The following UBE2E2 variants were observed in gnomAD, a reference collection of about 807,000 sequenced individuals.
UBE2E2 encodes the protein ubiquitin conjugating enzyme E2 E2.
A neutral mutation model predicts 24.7 loss-of-function variants in UBE2E2; 6 were observed. That is an observed-to-expected ratio of 0.24 (90% CI 0.13 to 0.48). The LOEUF is 0.48. UBE2E2 is among the 20% of genes least tolerant of loss of function. The pLI is 0.99. For synonymous variants in UBE2E2, 104 were observed against 83.6 expected, an observed-to-expected ratio of 1.24 and a Z score of -1.33; for missense variants, 169 against 245.0, an observed-to-expected ratio of 0.69 and a Z score of 2.07.
intron 3 of UBE2E2, among the ~76,000 whole-genome samples, chr3:23,497,663 G>T (rs1699632154): frequency 6.6e-6 from 1 of 152,130 alleles, no homozygotes; most frequent in Non-Finnish European, 1.5e-5. Flanking sequence ...TAATATCTGT[G>T]TATATTTTGT....
chr3:23,516,935 T>C (rs1482135680), intron 4 of UBE2E2, among the ~76,000 whole-genome samples: 2 of 152,190 alleles, frequency 1.3e-5, no homozygotes, highest in Non-Finnish European at 2.9e-5. Flanking sequence ...TATGATGATA[T>C]GTTAGTTTTT....
At chr3:23,263,299 G>A (rs1697952956) in intron 3 of UBE2E2, among the ~76,000 whole-genome samples, 1 of 152,190 alleles carries the variant, frequency 6.6e-6, no homozygotes, top group South Asian at 2.1e-4. Flanking sequence ...GTTTATATGT[G>A]AGAGCCATTT....
chr3:23,479,195 G>T (rs1400990519), intron 3 of UBE2E2, among the ~76,000 whole-genome samples: 1 of 152,204 alleles, frequency 6.6e-6, no homozygotes, highest in Admixed American at 6.5e-5. Context: ...TCCCACATCT[G>T]CCAAGGGTGA....
At position 23,264,051 on chromosome 3, in the gene UBE2E2, A is replaced by G. The variant is rs148856595; in HGVS notation, c.227+46739A>G. Among the ~76,000 whole-genome samples, 102 of 152,272 alleles carry G rather than the reference A, an allele frequency of 6.7e-4. 2 individuals carry two copies. The East Asian group carries it at 0.011, about 17-fold the overall frequency. On this transcript the variant is annotated intron_variant, in intron 3 of 5. Coordinates refer to ENST00000396703, the MANE Select transcript of UBE2E2 (RefSeq NM_152653.4). Reference sequence around the variant, plus strand: ...TGAGTCGGGTACATGATCTTACATAATTCTTACATTAATCGTATGATGTAG... The same window carrying G: ...TGAGTCGGGTACATGATCTTACATAGTTCTTACATTAATCGTATGATGTAG...
At chr3:23,390,007 C>G (rs1696896142) in intron 3 of UBE2E2, 1 of 152,218 alleles carries the variant, frequency 6.6e-6, no homozygotes, top group African/African-American at 2.4e-5. Flanking sequence ...TTGATCTCAT[C>G]TCAGGCAAGA....
At chr3:23,405,633 G>A (rs1430089717) in intron 3 of UBE2E2, among the ~76,000 whole-genome samples, 1 of 152,154 alleles carries the variant, frequency 6.6e-6, no homozygotes, top group Non-Finnish European at 1.5e-5. Flanking sequence ...CCAGGCTTTT[G>A]ACTGGGTGAT....
At chr3:23,328,161 AAAG>A (rs1277023202) in intron 3 of UBE2E2, among the ~76,000 whole-genome samples, 1 of 152,222 alleles carries the variant, frequency 6.6e-6, no homozygotes, top group African/African-American at 2.4e-5. Flanking sequence ...ATAAAAAAGA[AAAG>A]AAATATGAGG....
At chr3:23,330,816 C>A (rs1444728476) in intron 3 of UBE2E2, among the ~76,000 whole-genome samples, 2 of 152,008 alleles carry the variant, frequency 1.3e-5, no homozygotes, top group Non-Finnish European at 2.9e-5. Context: ...TTAGTTTTGT[C>A]CAAAGAGCAT....
intron 3 of UBE2E2, among the ~76,000 whole-genome samples, chr3:23,354,847 C>A (rs938837666): frequency 5.9e-5 from 9 of 152,124 alleles, no homozygotes; most frequent in African/African-American, 1.4e-4. Context: ...TAGAACTAGA[C>A]ATACCATTTG....
chr3:23,472,653 C>CT (rs572862770), intron 3 of UBE2E2, among the ~76,000 whole-genome samples: 5,873 of 143,456 alleles, frequency 0.041, 169 homozygotes, highest in Non-Finnish European at 0.053. Context: ...ATCTGTAACA[C>CT]TTTTTTTTTT....
At chr3:23,436,796 C>G (rs745354206) in intron 3 of UBE2E2, among the ~76,000 whole-genome samples, 1 of 152,230 alleles carries the variant, frequency 6.6e-6, no homozygotes, top group Non-Finnish European at 1.5e-5. Context: ...GCCTCTCTGT[C>G]TCTCCATTTG....
chr3:23,492,137 C>T (rs1247314340), intron 3 of UBE2E2, among the ~76,000 whole-genome samples: 1 of 152,040 alleles, frequency 6.6e-6, no homozygotes, highest in Admixed American at 6.6e-5. Flanking sequence ...GGAGTAGAAC[C>T]CTAAATTAGA....
intron 3 of UBE2E2, among the ~76,000 whole-genome samples, chr3:23,337,049 A>G (rs1408982383): frequency 6.6e-6 from 1 of 151,614 alleles, no homozygotes; most frequent in African/African-American, 2.4e-5. Context: ...TTGAGGTGAG[A>G]GGATCACTTG....
chr3:23,478,157 C>T (rs1699178685), intron 3 of UBE2E2, among the ~76,000 whole-genome samples: 1 of 152,164 alleles, frequency 6.6e-6, no homozygotes, highest in Admixed American at 6.5e-5. Context: ...TTTATGAATT[C>T]ATAAATCCAA....
intron 3 of UBE2E2, among the ~76,000 whole-genome samples, chr3:23,220,504 G>T (rs78914363): frequency 4.6e-5 from 7 of 152,158 alleles, no homozygotes; most frequent in African/African-American, 1.7e-4. Context: ...CTTCATTTGA[G>T]TGAAATTTGG....
At chr3:23,408,330 T>C (rs1229605610) in intron 3 of UBE2E2, among the ~76,000 whole-genome samples, 1 of 152,216 alleles carries the variant, frequency 6.6e-6, no homozygotes, top group East Asian at 1.9e-4. Context: ...ATTTTAGTAT[T>C]GACTTGGGTT....
At chr3:23,531,255 G>A (rs1220282668) in intron 4 of UBE2E2, among the ~76,000 whole-genome samples, 1 of 152,150 alleles carries the variant, frequency 6.6e-6, no homozygotes, top group Non-Finnish European at 1.5e-5. Flanking sequence ...ATCTGCATGT[G>A]TGTTTTTCTT....
chr3:23,377,559 G>A (rs1451006935), intron 3 of UBE2E2, among the ~76,000 whole-genome samples: 1 of 152,170 alleles, frequency 6.6e-6, no homozygotes, highest in African/African-American at 2.4e-5. Context: ...GCTTATCTAT[G>A]AGATCATGGC....
At chr3:23,498,650 A>G (rs1699656433) in intron 3 of UBE2E2, among the ~76,000 whole-genome samples, 1 of 152,126 alleles carries the variant, frequency 6.6e-6, no homozygotes, top group Non-Finnish European at 1.5e-5. Flanking sequence ...GACTTTATTC[A>G]TAGCTTCCCT....
Sources: allele counts gnomAD v4.1 joint callset (sites outside exome capture counted in the v4.1 genomes callset), GRCh38; gene constraint gnomAD v4.1.1; transcripts MANE v1.5; gene names NCBI Gene and HGNC (gene_info 2026-07-23, HGNC 2026-07-21).